Variants in TC2N observed in about 807,000 individuals in gnomAD.
TC2N encodes tandem C2 domains, nuclear.
In TC2N, 51 loss-of-function variants were observed where a neutral mutation model predicts 61.9. The ratio of observed to expected loss-of-function variants is 0.82; its 90% confidence interval spans 0.66 to 1.04. The LOEUF is 1.04. Among genes scored for constraint, TC2N ranks in the 50% least tolerant of loss-of-function variants. TC2N has a pLI of 0.00. For missense variants in TC2N, 556 were observed against 566.7 expected (o/e 0.98, Z 0.19); for synonymous variants, 204 against 192.6 (o/e 1.06, Z -0.49).
chr14:91,862,681 C>A (rs1460679247), intron 1 of TC2N, among the ~76,000 whole-genome samples: 1 of 152,246 alleles, frequency 6.6e-6, no homozygotes, highest in African/African-American at 2.4e-5. Context: ...CCTGCCCCAT[C>A]CCTGCAGTCA....
At chr14:91,799,130 C>T in intron 5 of TC2N, 66 bp from the exon 6 acceptor site, 2 of 969,502 alleles carry the variant, frequency 2.1e-6, no homozygotes, top group Non-Finnish European at 3.1e-6. Context: ...GATACATATG[C>T]CTCAATATCC....
chr14:91,797,864 G>T lies in TC2N; in HGVS notation c.776C>A (p.Thr259Asn). ...TATTCCTTTTATAGAAACAGTAGGA[G>T]TGTCTCCATAACTAGAGGGCCAACT... is the stretch of plus-strand genomic sequence containing the variant. ...DLSWPSSYGD[T>N]PTVSIKGILT... is the part of the protein sequence containing the mutation. Residue 259 changes from threonine (T) to asparagine (N), a missense_variant, in exon 8 of 12, where the codon ACT becomes AAT. Transcript: ENST00000435962. The T allele has an allele frequency of 6.2e-7, 1 of 1,609,088 alleles. No individual in the cohort carries two copies. The highest frequency in any genetic ancestry group is 8.5e-7 in the Non-Finnish European group (1 of 1,177,242).
At chr14:91,841,679 C>G (rs1280081779) in intron 1 of TC2N, among the ~76,000 whole-genome samples, 1 of 152,198 alleles carries the variant, frequency 6.6e-6, no homozygotes, top group Non-Finnish European at 1.5e-5. Flanking sequence ...TCCTGGGTAC[C>G]ACTCCAGCAG....
At position 91,822,808 on chromosome 14, in the gene TC2N, G is replaced by A. The variant is rs1225900060; in HGVS notation, c.-56-8983C>T. 1.5e-4 allele frequency among the ~76,000 whole-genome samples: 22 copies of A among 149,846 alleles called. No homozygotes were observed. The South Asian group carries it at 2.3e-3, about 16-fold the overall frequency. ...CTGCTCACTGTAAGCTCTGTCTTCT[G>A]GGTTCACGCCATTCTCCTGCCTTAG... On this transcript the variant is annotated intron_variant, in intron 1 of 11. Transcript: ENST00000435962.
At chr14:91,818,569 A>G (rs970084792) in intron 1 of TC2N, among the ~76,000 whole-genome samples, 4 of 151,606 alleles carry the variant, frequency 2.6e-5, no homozygotes, top group African/African-American at 7.3e-5. Flanking sequence ...AATGAAGAGG[A>G]AAAAAAAATC....
rs536262738 is a variant in TC2N, at chr14:91,787,313, T to C, written c.1162+200A>G. 1.1e-4 allele frequency among the ~76,000 whole-genome samples: 17 copies of C among 152,188 alleles called. No individual in the cohort carries two copies. The South Asian group carries it at 3.5e-3, about 32-fold the overall frequency. ...GTATCAAAGGCAGAGAGGTCATAAC[T>C]GGATAACACTCAAGAGACCACTGTA... On this transcript the variant is annotated intron_variant, in intron 10 of 11. Transcript: ENST00000435962.
chr14:91,845,232 A>AAAATAAATAAAT (rs3030732), intron 1 of TC2N, among the ~76,000 whole-genome samples: 1,817 of 147,148 alleles, frequency 0.012, 18 homozygotes, highest in Non-Finnish European at 0.018. Flanking sequence ...ACTCCATCTC[A>AAAATAAATAAAT]AAATAAATAA....
chr14:91,858,152 C>CTTCTTTTTT (rs1555373188), intron 1 of TC2N, among the ~76,000 whole-genome samples: 5 of 92,332 alleles, frequency 5.4e-5, no homozygotes, highest in African/African-American at 8.0e-5. Context: ...TCTTCTTCTT[C>CTTCTTTTTT]TTTTTTTTTT....
intron 1 of TC2N, among the ~76,000 whole-genome samples, chr14:91,853,730 C>A (rs1888424024): frequency 6.6e-6 from 1 of 150,776 alleles, no homozygotes; most frequent in Admixed American, 6.6e-5. Context: ...TGCAGTTGCC[C>A]AGAATTCAGC....
intron 1 of TC2N, among the ~76,000 whole-genome samples, chr14:91,815,791 C>T (rs1414535546): frequency 1.3e-5 from 2 of 151,536 alleles, no homozygotes; most frequent in African/African-American, 4.8e-5. Flanking sequence ...AAAGATGTGG[C>T]AAAGGACTTA....
intron 1 of TC2N, among the ~76,000 whole-genome samples, chr14:91,860,684 C>T (rs1300063917): frequency 6.6e-6 from 1 of 152,192 alleles, no homozygotes; most frequent in Non-Finnish European, 1.5e-5. Context: ...TCTTACTGCC[C>T]TTCCCCTCTT....
chr14:91,850,046 T>C (rs1411180402), intron 1 of TC2N, among the ~76,000 whole-genome samples: 1 of 41,622 alleles, frequency 2.4e-5, no homozygotes, highest in African/African-American at 6.3e-5. Context: ...TGAAACTCCA[T>C]CTCAAAAAAA....
chr14:91,834,942 T>C (rs1055896944), intron 1 of TC2N, among the ~76,000 whole-genome samples: 7 of 152,182 alleles, frequency 4.6e-5, no homozygotes, highest in Non-Finnish European at 4.4e-5. Flanking sequence ...CTTCCAACAT[T>C]TGTAAGTCTG....
intron 1 of TC2N, among the ~76,000 whole-genome samples, chr14:91,815,692 G>A (rs1181376164): frequency 1.3e-5 from 2 of 151,452 alleles, no homozygotes; most frequent in South Asian, 4.2e-4. Flanking sequence ...TTTCATCTCT[G>A]CCTCCCCATA....
chr14:91,819,162 A>C (rs1227027304), intron 1 of TC2N, among the ~76,000 whole-genome samples: 1 of 152,072 alleles, frequency 6.6e-6, no homozygotes, highest in Non-Finnish European at 1.5e-5. Context: ...ATCAAAGCAA[A>C]GATTAAGAAT....
chr14:91,798,566 G>A (rs904762139), intron 6 of TC2N, among the ~76,000 whole-genome samples, 167 bp from the exon 7 acceptor site: 1 of 151,900 alleles, frequency 6.6e-6, no homozygotes, highest in Non-Finnish European at 1.5e-5. Flanking sequence ...ATTTATTGAA[G>A]CACTAGAGGG....
intron 3 of TC2N, 190 bp downstream of exon 3, chr14:91,812,122 G>T: frequency 4.5e-5 from 11 of 245,310 alleles, no homozygotes; most frequent in Non-Finnish European, 7.7e-5. Context: ...ACAAATTATT[G>T]TATTATGATC....
chr14:91,857,411 G>A (rs1041967365), intron 1 of TC2N, among the ~76,000 whole-genome samples: 17 of 152,292 alleles, frequency 1.1e-4, no homozygotes, highest in African/African-American at 1.7e-4. Flanking sequence ...CCCAGGAACC[G>A]TTTATAAACC....
chr14:91,791,041 G>A (rs1244776022), intron 9 of TC2N, among the ~76,000 whole-genome samples: 3 of 151,812 alleles, frequency 2.0e-5, no homozygotes, highest in African/African-American at 7.3e-5. Context: ...GCTGACATGG[G>A]AGGATTGCTT....
Sources: gnomAD v4.1 joint callset for allele counts (sites outside exome capture counted in the v4.1 genomes callset) on GRCh38, gnomAD v4.1.1 for gene constraint, MANE v1.5 for transcripts, NCBI Gene and HGNC (gene_info 2026-07-23, HGNC 2026-07-21) for gene names.